The following FAM13A variants were observed in gnomAD, a reference collection of about 807,000 sequenced individuals.
FAM13A encodes the protein family with sequence similarity 13 member A.
FAM13A carries 76 observed loss-of-function variants against 129.6 expected under a neutral mutation model. The ratio of observed to expected loss-of-function variants is 0.59; its 90% CI spans 0.49 to 0.71. The LOEUF is 0.71. Ranked by LOEUF, FAM13A falls within the 30% of genes least tolerant of loss-of-function variation. FAM13A has a pLI of 0.00. For missense variants in FAM13A, 1,108 were observed against 1,249.3 expected, an observed-to-expected ratio of 0.89 and a Z score of 1.70; for synonymous variants, 443 against 449.9, an observed-to-expected ratio of 0.98 and a Z score of 0.20.
chr4:88,970,446 T>G (rs1458560), intron 4 of FAM13A, among the ~76,000 whole-genome samples: 28,177 of 150,454 alleles, frequency 0.19, 2,793 homozygotes, highest in South Asian at 0.28. Flanking sequence ...GAGAGAGAGA[T>G]ATATATATAT....
At chr4:88,752,061 T>G (rs1742740377) in intron 14 of FAM13A, among the ~76,000 whole-genome samples, 1 of 152,224 alleles carries the variant, frequency 6.6e-6, no homozygotes, top group South Asian at 2.1e-4. Flanking sequence ...GATTTCTCAA[T>G]CCTGGCCGCA....
chr4:88,992,031 C>G (rs765626261), intron 3 of FAM13A, among the ~76,000 whole-genome samples: 45 of 152,176 alleles, frequency 3.0e-4, no homozygotes, highest in African/African-American at 1.0e-3. Flanking sequence ...TAGCCATAAT[C>G]TGTCCTGACC....
intron 10 of FAM13A, among the ~76,000 whole-genome samples, chr4:88,784,302 G>A (rs1440206039): frequency 3.9e-5 from 6 of 152,166 alleles, no homozygotes; most frequent in African/African-American, 1.4e-4. Context: ...AGTACTGGGT[G>A]CTCAATTATC....
intron 11 of FAM13A, among the ~76,000 whole-genome samples, chr4:88,770,280 G>C (rs1720379094): frequency 6.6e-6 from 1 of 152,178 alleles, no homozygotes; most frequent in Admixed American, 6.5e-5. Flanking sequence ...CTGATGAAGA[G>C]GGTTGTATCT....
chr4:88,792,889 G>T (rs1725451546), intron 8 of FAM13A, among the ~76,000 whole-genome samples: 1 of 151,974 alleles, frequency 6.6e-6, no homozygotes, highest in Admixed American at 6.6e-5. Flanking sequence ...GGTGAAGAAA[G>T]AAAGGCAAGA....
chr4:88,907,166 C>T (rs551926370), intron 5 of FAM13A, among the ~76,000 whole-genome samples: 1 of 152,212 alleles, frequency 6.6e-6, no homozygotes, highest in South Asian at 2.1e-4. Context: ...GCCTCACTTC[C>T]GAATAGCCAT....
intron 6 of FAM13A, among the ~76,000 whole-genome samples, chr4:88,869,424 C>T (rs1740983048): frequency 6.6e-6 from 1 of 152,218 alleles, no homozygotes; most frequent in African/African-American, 2.4e-5. Flanking sequence ...CTGCAGTGGC[C>T]TCCCTTCAGT....
chr4:88,934,698 A>G (rs1175587952), intron 5 of FAM13A, among the ~76,000 whole-genome samples: 2 of 152,154 alleles, frequency 1.3e-5, no homozygotes, highest in African/African-American at 4.8e-5. Context: ...TCCTATGTAA[A>G]TTCCCTTCTT....
chr4:88,737,671 C>A (rs1560847101), intron 20 of FAM13A, 116 bp from the exon 21 acceptor site: 4 of 806,498 alleles, frequency 5.0e-6, no homozygotes, highest in African/African-American at 1.7e-5. Flanking sequence ...CATTCTTATC[C>A]CTCCCTGCCA....
intron 21 of FAM13A, 87 bp downstream of exon 21, chr4:88,737,385 A>T: frequency 8.8e-7 from 1 of 1,139,624 alleles, no homozygotes; most frequent in East Asian, 2.3e-5. Context: ...AGGCCCGATC[A>T]CACCCCCTTT....
At chr4:89,025,587 G>C (rs1004418612) in intron 2 of FAM13A, among the ~76,000 whole-genome samples, 1 of 152,184 alleles carries the variant, frequency 6.6e-6, no homozygotes, top group Non-Finnish European at 1.5e-5. Flanking sequence ...GTAAACGACA[G>C]AAGACTGGAA....
At position 88,747,862 on chromosome 4, in the gene FAM13A, A is replaced by C; in HGVS notation, c.2162-11T>G. On this transcript the variant is annotated splice_polypyrimidine_tract_variant and intron_variant, in intron 17 of 23. Coordinates refer to ENST00000264344, the MANE Select transcript of FAM13A (RefSeq NM_014883.4). ...TCTTTAGTTTTGATTCTAGTTGAGA[A>C]GATTTGGGGGTAAAGATATATGAGA... is the stretch of plus-strand genomic sequence containing the variant. 1 of 1,551,408 alleles carries C rather than the reference A, an allele frequency of 6.4e-7. No individual in the cohort carries two copies. The highest frequency in any genetic ancestry group is 8.9e-7 in the Non-Finnish European group (1 of 1,124,266).
chr4:88,774,183 A>C lies in FAM13A; in HGVS notation c.1459-6124T>G, dbSNP rs565479547. On this transcript the variant is annotated intron_variant, in intron 11 of 23. Transcript: ENST00000264344. ...AGGCCTCTGTGCAAGCATCATTTTC[A>C]GTGAGGCCTGACTTGAATGTCCTCT... is the stretch of plus-strand genomic sequence containing the variant. Among the ~76,000 whole-genome samples, 12 of 152,278 alleles carry C rather than the reference A, an allele frequency of 7.9e-5. No individual in the cohort carries two copies. The South Asian group carries it at 1.7e-3, about 21-fold the overall frequency.
chr4:89,033,589 G>T (rs1050841312), intron 1 of FAM13A, among the ~76,000 whole-genome samples: 19 of 152,282 alleles, frequency 1.2e-4, no homozygotes, highest in African/African-American at 3.1e-4. Flanking sequence ...TTGTAGCAGA[G>T]AAAAATAGTT....
chr4:89,024,636 G>A (rs1256041749), intron 2 of FAM13A, among the ~76,000 whole-genome samples: 1 of 152,162 alleles, frequency 6.6e-6, no homozygotes, highest in East Asian at 1.9e-4. Context: ...TATCACAGGT[G>A]TACAGTAAAT....
intron 2 of FAM13A, among the ~76,000 whole-genome samples, chr4:89,021,905 G>A (rs1767310534): frequency 6.6e-6 from 1 of 152,112 alleles, no homozygotes; most frequent in South Asian, 2.1e-4. Flanking sequence ...TAAGATTAGG[G>A]GGTAGGGATA....
At chr4:88,791,781 T>C (rs917164627) in intron 8 of FAM13A, among the ~76,000 whole-genome samples, 6 of 152,084 alleles carry the variant, frequency 3.9e-5, no homozygotes, top group African/African-American at 1.4e-4. Flanking sequence ...CAGGTTTTTC[T>C]CCCATGTAAG....
At chr4:88,894,190 G>A (rs1199279053) in intron 6 of FAM13A, among the ~76,000 whole-genome samples, 2 of 152,198 alleles carry the variant, frequency 1.3e-5, no homozygotes, top group African/African-American at 4.8e-5. Flanking sequence ...AGATGCACAT[G>A]CTTACGATCT....
At chr4:88,821,977 A>C (rs563131668) in intron 7 of FAM13A, among the ~76,000 whole-genome samples, 2 of 152,376 alleles carry the variant, frequency 1.3e-5, no homozygotes, top group South Asian at 2.1e-4. Context: ...GCTAAAACAA[A>C]AACATTCACT....
Sources: allele counts gnomAD v4.1 joint callset (sites outside exome capture counted in the v4.1 genomes callset), GRCh38; gene constraint gnomAD v4.1.1; transcripts MANE v1.5; gene names NCBI Gene and HGNC (gene_info 2026-07-23, HGNC 2026-07-21).